Variants in NPHS2 observed in about 807,000 individuals in gnomAD.
NPHS2 encodes podocin.
In NPHS2, 36 loss-of-function variants were observed where a neutral mutation model predicts 37.1. The ratio of observed to expected loss-of-function variants is 0.97; its 90% CI spans 0.74 to 1.28. NPHS2 has a LOEUF of 1.28. NPHS2 is among the 50% of genes most tolerant of loss of function. The pLI, the probability that NPHS2 is intolerant of heterozygous loss-of-function variation, is 0.00. For synonymous variants in NPHS2, 196 were observed against 189.3 expected (o/e 1.04, Z -0.29); for missense variants, 447 against 488.1 (o/e 0.92, Z 0.79).
intron 1 of NPHS2, among the ~76,000 whole-genome samples, chr1:179,574,775 AT>A (rs1418322599): frequency 6.6e-6 from 1 of 152,220 alleles, no homozygotes; most frequent in Non-Finnish European, 1.5e-5. Flanking sequence ...TAAAGTGGTA[AT>A]CATTTTTTTC....
rs772297117 is a variant in NPHS2, at chr1:179,551,428, C to T, written c.897G>A (p.Lys299=). ...KVRMIAAEAE[K]AASESLRMAA... ...CCATCCTCAGGGACTCAGAAGCAGC[C>T]TTTTCCGCTTCTGCAGCAATCATCT... is the stretch of plus-strand genomic sequence containing the variant. The change falls in exon 8 of 8, where the codon AAG becomes AAA. Residue 299 remains lysine (K), a synonymous_variant. Coordinates refer to ENST00000367615, the MANE Select transcript of NPHS2 (RefSeq NM_014625.4). 3.7e-6 allele frequency: 6 copies of T among 1,613,676 alleles called. No individual in the cohort carries two copies. The Admixed American group carries it at 1.0e-4, about 27-fold the overall frequency.
chr1:179,554,856 G>T, intron 5 of NPHS2: 1 of 389,664 alleles, frequency 2.6e-6, no homozygotes, highest in Non-Finnish European at 4.7e-6. Context: ...CTCTTGAGAT[G>T]GGGATATTAT....
intron 1 of NPHS2, among the ~76,000 whole-genome samples, chr1:179,570,533 C>T (rs1674513013): frequency 6.6e-6 from 1 of 152,208 alleles, no homozygotes; most frequent in Admixed American, 6.5e-5. Flanking sequence ...CGGTTTTCCT[C>T]CCTGGGCAGG....
At chr1:179,558,665 T>C (rs1233872544) in intron 4 of NPHS2, among the ~76,000 whole-genome samples, 1 of 152,214 alleles carries the variant, frequency 6.6e-6, no homozygotes, top group Non-Finnish European at 1.5e-5. Context: ...TCTACTGTTT[T>C]CTACAGTGGC....
chr1:179,569,758 A>G (rs1328693645), intron 1 of NPHS2, among the ~76,000 whole-genome samples: 2 of 152,048 alleles, frequency 1.3e-5, no homozygotes, highest in African/African-American at 4.8e-5. Flanking sequence ...ATCTCTCAGC[A>G]TTTTGCTTGT....
At chr1:179,559,654 A>C in intron 4 of NPHS2, 25 bp downstream of exon 4, 1 of 1,486,156 alleles carries the variant, frequency 6.7e-7, no homozygotes, top group South Asian at 1.2e-5. Flanking sequence ...TGTATAGAGA[A>C]AGCAAAAGCC....
In NPHS2 at chr1:179,575,552, C is replaced by T. The variant is rs1204425840; in HGVS notation, c.274+39G>A. The T allele has an allele frequency of 1.9e-6, 3 of 1,599,108 alleles. No homozygotes were observed. The African/African-American group carries it at 4.0e-5, about 21-fold the overall frequency. On this transcript the variant is annotated intron_variant, in intron 1 of 7. Coordinates refer to ENST00000367615, the MANE Select transcript of NPHS2 (RefSeq NM_014625.4). ...ACCTTATCTGACGCCCCTTAGTTACCACCTGGAAAAGTAGCAGATAGTGGT... is the reference window on the plus strand; with the variant it reads ...ACCTTATCTGACGCCCCTTAGTTACTACCTGGAAAAGTAGCAGATAGTGGT...
intron 1 of NPHS2, among the ~76,000 whole-genome samples, chr1:179,569,407 C>G (rs1368498524): frequency 1.3e-5 from 2 of 152,136 alleles, no homozygotes; most frequent in Admixed American, 6.5e-5. Flanking sequence ...AGATCTTTCT[C>G]CATTCCTTTA....
chr1:179,572,150 G>C (rs913488686), intron 1 of NPHS2, among the ~76,000 whole-genome samples: 1 of 152,182 alleles, frequency 6.6e-6, no homozygotes, highest in Non-Finnish European at 1.5e-5. Flanking sequence ...CTTCTGTGTC[G>C]ATCATGCTGG....
At chr1:179,565,132 G>T (rs1350801105) in intron 1 of NPHS2, among the ~76,000 whole-genome samples, 1 of 152,098 alleles carries the variant, frequency 6.6e-6, no homozygotes, top group Non-Finnish European at 1.5e-5. Flanking sequence ...AAACTAGCTG[G>T]GTATGGTGGT....
intron 1 of NPHS2, among the ~76,000 whole-genome samples, chr1:179,573,351 G>A (rs3765548): frequency 0.17 from 26,582 of 152,084 alleles, 3,071 homozygotes; most frequent in Non-Finnish European, 0.25. Context: ...CTAATCCCAC[G>A]GAGTGCTCCA....
At chr1:179,568,943 C>T (rs1400330741) in intron 1 of NPHS2, among the ~76,000 whole-genome samples, 4 of 152,284 alleles carry the variant, frequency 2.6e-5, no homozygotes, top group African/African-American at 9.6e-5. Context: ...TGTTCTTTTA[C>T]ATTTGCTGAG....
rs186766833 is a variant in NPHS2 at position 179,574,040 on chromosome 1, G to A, written c.274+1551C>T. On this transcript the variant is annotated intron_variant, in intron 1 of 7. Coordinates refer to ENST00000367615, the MANE Select transcript of NPHS2 (RefSeq NM_014625.4). ...GTGTGGTGCTAGGTGAAAAAGAGGA[G>A]GGGATGTTACTCTCTGTTCCCCGTG... is the stretch of plus-strand genomic sequence containing the variant. 9.9e-3 allele frequency among the ~76,000 whole-genome samples: 1,511 copies of A among 152,240 alleles called. 17 individuals carry two copies. The highest frequency in any genetic ancestry group is 0.016 in the Non-Finnish European group (1,060 of 68,010).
Position 179,556,257 on chromosome 1 carries a change from C to T in NPHS2, c.738+770G>A, listed in dbSNP as rs1039873879. ...TCCTCCTTCCAACTACCATGGTTCACAACCTCCTAACCCAGTTCTGGGCCT... is the reference window on the plus strand; with the variant it reads ...TCCTCCTTCCAACTACCATGGTTCATAACCTCCTAACCCAGTTCTGGGCCT... On this transcript the variant is annotated intron_variant, in intron 5 of 7. Coordinates refer to ENST00000367615, the MANE Select transcript of NPHS2 (RefSeq NM_014625.4). The surrounding 1 kb of genome is among the most constrained non-coding windows in gnomAD (Gnocchi z 4.1). Among the ~76,000 whole-genome samples the T allele has an allele frequency of 6.6e-6, 1 of 152,226 alleles. No individual in the cohort carries two copies. The highest frequency in any genetic ancestry group is 2.4e-5 in the African/African-American group (1 of 41,454).
Position 179,575,877 on chromosome 1 carries a change from C to G in NPHS2, c.-13G>C, listed in dbSNP as rs754258707. 4.3e-6 allele frequency: 6 copies of G among 1,396,302 alleles called. No individual in the cohort carries two copies. The South Asian group carries it at 8.7e-5, about 20-fold the overall frequency. The allele number at this position is 1,396,302 out of a possible 1,614,324, so 86.5% of individuals were successfully genotyped here. A position where few individuals can be genotyped will look rare whatever the true frequency, so the allele number is the denominator to read the frequency against. ...CCCTCCTCTCCATCCTCAGAGCTGCCGGGCGGCTGGAGCAGCAGCGCGGGA... is the reference window on the plus strand; with the variant it reads ...CCCTCCTCTCCATCCTCAGAGCTGCGGGGCGGCTGGAGCAGCAGCGCGGGA... On this transcript the variant is annotated 5_prime_UTR_variant, in exon 1 of 8. Transcript: ENST00000367615.
At chr1:179,561,265 A>G (rs768679018) in intron 3 of NPHS2, 24 bp downstream of exon 3, 2 of 1,577,590 alleles carry the variant, frequency 1.3e-6, no homozygotes, top group South Asian at 1.1e-5. Flanking sequence ...AGAGGTGTTT[A>G]GAAAAAAAAG....
chr1:179,551,748 A>G, intron 7 of NPHS2: 1 of 396,550 alleles, frequency 2.5e-6, no homozygotes, highest in Non-Finnish European at 4.6e-6. Flanking sequence ...ACATAGAGAA[A>G]AGATTAGCCA....
Position 179,554,523 on chromosome 1 carries a change from C to T in NPHS2, c.747G>A (p.Leu249=). Reference sequence around the variant, plus strand: ...TTCCCCAAATACAGGTCACTGAATCCAAGGCAACCTGTGGAAAGAAGAATT... The same window carrying T: ...TTCCCCAAATACAGGTCACTGAATCTAAGGCAACCTGTGGAAAGAAGAATT... The part of the protein sequence containing the change: ...KSIAQDAKVA[L]DSVTCIWGIK... Residue 249 remains leucine (L), a synonymous_variant, in exon 6 of 8, where the codon TTG becomes TTA. Coordinates refer to ENST00000367615, the MANE Select transcript of NPHS2 (RefSeq NM_014625.4). The T allele has an allele frequency of 6.2e-7, 1 of 1,614,106 alleles. No homozygotes were observed. The highest frequency in any genetic ancestry group is 8.5e-7 in the Non-Finnish European group (1 of 1,180,004).
intron 1 of NPHS2, among the ~76,000 whole-genome samples, chr1:179,573,643 T>G (rs1419081791): frequency 6.6e-6 from 1 of 152,230 alleles, no homozygotes; most frequent in Non-Finnish European, 1.5e-5. Context: ...AACAGTATCA[T>G]TGCCAGTTTT....
Sources: allele counts gnomAD v4.1 joint callset (sites outside exome capture counted in the v4.1 genomes callset), GRCh38; gene constraint gnomAD v4.1.1; non-coding constraint Gnocchi (gnomAD v3.1); transcripts MANE v1.5; gene names NCBI Gene and HGNC (gene_info 2026-07-23, HGNC 2026-07-21).